DISC1: variants seen among roughly 807,000 people sequenced by gnomAD.
DISC1 encodes the protein disrupted in schizophrenia 1 protein.
A neutral mutation model predicts 84.5 loss-of-function variants in DISC1; 57 were observed. That is an observed-to-expected ratio of 0.67 (90% CI 0.55 to 0.84). The LOEUF is 0.84. Ranked by LOEUF, DISC1 falls within the 40% of genes least tolerant of loss-of-function variation. DISC1 has a pLI of 0.00. For synonymous variants in DISC1, 411 were observed against 415.2 expected (o/e 0.99, Z 0.12); for missense variants, 1,000 against 1,057.8 (o/e 0.95, Z 0.76).
At chr1:231,974,895 T>C (rs1662562311) in intron 10 of DISC1, among the ~76,000 whole-genome samples, 1 of 151,988 alleles carries the variant, frequency 6.6e-6, no homozygotes, top group Admixed American at 6.6e-5. Context: ...GGTCAAGAGA[T>C]CAAGACCATC....
intron 1 of DISC1, among the ~76,000 whole-genome samples, chr1:231,645,789 T>G (rs2060073059): frequency 6.6e-6 from 1 of 152,138 alleles, no homozygotes. Context: ...TGCGATAGTT[T>G]GCTGAGAATG....
chr1:231,808,177 G>A (rs1444176332), intron 8 of DISC1, among the ~76,000 whole-genome samples: 1 of 152,184 alleles, frequency 6.6e-6, no homozygotes, highest in East Asian at 1.9e-4. Context: ...AATTCCTTCG[G>A]TCAGAATCTC....
chr1:231,985,987 TC>T (rs1340825604), intron 10 of DISC1, among the ~76,000 whole-genome samples: 1 of 152,202 alleles, frequency 6.6e-6, no homozygotes, highest in East Asian at 1.9e-4. Flanking sequence ...AGGATGGGAC[TC>T]ACTCTTGGAT....
In DISC1 at chr1:231,875,529, A is replaced by G. The variant is rs533051638; in HGVS notation, c.1981+57012A>G. Among the ~76,000 whole-genome samples, 12 of 152,216 alleles carry G rather than the reference A, an allele frequency of 7.9e-5. No homozygotes were observed. The South Asian group carries it at 2.1e-3, about 26-fold the overall frequency. ...TGGGCAATTCACTTCCCTGGCCTTG[A>G]CCTCACTTCCCTGGCCTTGACCTCA... On this transcript the variant is annotated intron_variant, in intron 9 of 12. Coordinates refer to ENST00000439617, the MANE Select transcript of DISC1 (RefSeq NM_018662.3).
At chr1:231,869,068 G>A (rs2085275356) in intron 9 of DISC1, among the ~76,000 whole-genome samples, 2 of 152,098 alleles carry the variant, frequency 1.3e-5, no homozygotes, top group Admixed American at 6.5e-5. Flanking sequence ...AGCTTCAGAA[G>A]GTTGATAGAG....
At chr1:231,773,129 T>G (rs1361499874) in intron 6 of DISC1, among the ~76,000 whole-genome samples, 1 of 152,198 alleles carries the variant, frequency 6.6e-6, no homozygotes, top group East Asian at 1.9e-4. Flanking sequence ...TATGGCTGTC[T>G]TTGGGCCTGA....
intron 9 of DISC1, among the ~76,000 whole-genome samples, chr1:231,929,548 C>T (rs183387485): frequency 4.6e-5 from 7 of 152,260 alleles, no homozygotes; most frequent in African/African-American, 1.4e-4. Context: ...AGAGCACGGC[C>T]GCAGCTTCAA....
rs558845647 is a variant in DISC1, at chr1:231,958,535, A to G, written c.1982-293A>G. On this transcript the variant is annotated intron_variant, in intron 9 of 12. Transcript: ENST00000439617. ...AAAGGTAAGAGATAGAGCACATGTC[A>G]TCCAGTGATAGACTATCAGTGAGCT... Among the ~76,000 whole-genome samples, 5 of 152,342 alleles carry G rather than the reference A, an allele frequency of 3.3e-5. No homozygotes were observed. In the South Asian group the frequency reaches 1.0e-3, roughly 32 times the overall value.
chr1:231,947,833 T>G (rs1045043846), intron 9 of DISC1, among the ~76,000 whole-genome samples: 2 of 150,514 alleles, frequency 1.3e-5, no homozygotes, highest in African/African-American at 4.8e-5. Flanking sequence ...AAGACATTTA[T>G]GTAACAAACA....
chr1:231,713,716 A>G (rs1269923490), intron 3 of DISC1, among the ~76,000 whole-genome samples: 4 of 146,244 alleles, frequency 2.7e-5, no homozygotes, highest in Admixed American at 6.9e-5. Flanking sequence ...ATATATATAT[A>G]TATATATAGG....
At chr1:232,023,976 C>G (rs1669199271) in intron 11 of DISC1, among the ~76,000 whole-genome samples, 1 of 151,686 alleles carries the variant, frequency 6.6e-6, no homozygotes, top group Non-Finnish European at 1.5e-5. Context: ...ATCTCCTACC[C>G]TCAATTTCAT....
At chr1:231,929,814 G>A (rs1035317686) in intron 9 of DISC1, among the ~76,000 whole-genome samples, 8 of 152,184 alleles carry the variant, frequency 5.3e-5, no homozygotes, top group African/African-American at 1.7e-4. Context: ...AGAAAAAGTT[G>A]TTTGAAAGGA....
At chr1:231,686,939 G>T (rs2064351813) in intron 1 of DISC1, among the ~76,000 whole-genome samples, 1 of 152,152 alleles carries the variant, frequency 6.6e-6, no homozygotes, top group African/African-American at 2.4e-5. Context: ...GGGGCAAAAT[G>T]CTGCCCATCT....
chr1:231,673,858 C>A (rs190236986), intron 1 of DISC1, among the ~76,000 whole-genome samples: 2 of 152,162 alleles, frequency 1.3e-5, no homozygotes, highest in Non-Finnish European at 2.9e-5. Context: ...TTGGGGCTCA[C>A]GTTTGAGTAT....
At chr1:231,740,495 G>C (rs1337858153) in intron 3 of DISC1, among the ~76,000 whole-genome samples, 1 of 152,160 alleles carries the variant, frequency 6.6e-6, no homozygotes, top group African/African-American at 2.4e-5. Context: ...GAAGAGACAG[G>C]GTGGCTGAGC....
chr1:232,025,597 CTTT>C (rs35161490), intron 11 of DISC1, among the ~76,000 whole-genome samples: 11 of 132,474 alleles, frequency 8.3e-5, no homozygotes, highest in Non-Finnish European at 6.5e-5. Flanking sequence ...TCATCCTGCT[CTTT>C]TTTTTTTTTT....
At chr1:231,629,764 A>G (rs1409605740) in intron 1 of DISC1, among the ~76,000 whole-genome samples, 1 of 152,236 alleles carries the variant, frequency 6.6e-6, no homozygotes, top group Non-Finnish European at 1.5e-5. Flanking sequence ...ATGTAGAACA[A>G]AGCCAATTTA....
At chr1:231,920,510 C>CAT (rs2089928658) in intron 9 of DISC1, among the ~76,000 whole-genome samples, 1 of 152,216 alleles carries the variant, frequency 6.6e-6, no homozygotes, top group Non-Finnish European at 1.5e-5. Flanking sequence ...TAAGTAGAAT[C>CAT]ATACAGTATT....
chr1:231,643,204 C>T (rs2059867435), intron 1 of DISC1, among the ~76,000 whole-genome samples: 1 of 152,130 alleles, frequency 6.6e-6, no homozygotes, highest in Non-Finnish European at 1.5e-5. Context: ...TTCCCTGGAA[C>T]CCCGAAAGAG....
Sources: allele counts gnomAD v4.1 joint callset (sites outside exome capture counted in the v4.1 genomes callset), GRCh38; gene constraint gnomAD v4.1.1; transcripts MANE v1.5; gene names NCBI Gene and HGNC (gene_info 2026-07-23, HGNC 2026-07-21).